Variants in UCN3 observed in about 807,000 individuals in gnomAD.
The protein encoded by UCN3 is urocortin 3.
A neutral mutation model predicts 3.6 loss-of-function variants in UCN3; 3 were observed. The observed-to-expected ratio is 0.83, with a 90% CI of 0.38 to 2.15. The LOEUF (loss-of-function observed/expected upper bound fraction) is 2.15. UCN3 is among the 30% of genes most tolerant of loss of function. The probability of loss-of-function intolerance (pLI) is 0.06; values close to 1 mark genes in which losing one functional copy is unlikely to be tolerated. For missense variants in UCN3, 206 were observed against 208.3 expected, an observed-to-expected ratio of 0.99 and a Z score of 0.07; for synonymous variants, 100 against 93.2, an observed-to-expected ratio of 1.07 and a Z score of -0.42.
At chr10:5,373,352 A>G (rs997945560) in intron 1 of UCN3, among the ~76,000 whole-genome samples, 18 of 152,194 alleles carry the variant, frequency 1.2e-4, no homozygotes, top group African/African-American at 4.3e-4. Context: ...CTTACTTAGT[A>G]TATTAGTTAT....
chr10:5,370,482 T>C (rs1378008744), intron 1 of UCN3, among the ~76,000 whole-genome samples: 1 of 95,426 alleles, frequency 1.0e-5, no homozygotes, highest in African/African-American at 3.9e-5. Context: ...CGTGTGTATA[T>C]GTGTGTATGT....
chr10:5,373,870 T>C lies in UCN3; in HGVS notation c.150T>C (p.Asp50=). ...LSEAEKGQWE[D]ASLLSKRSFH... ...AGGCTGAGAAGGGCCAGTGGGAGGA[T>C]GCATCCCTGCTGAGCAAGAGGAGCT... The change falls in exon 2 of 2, where the codon GAT becomes GAC. Residue 50 remains aspartate (D), a synonymous_variant. Coordinates refer to ENST00000380433, the MANE Select transcript of UCN3 (RefSeq NM_053049.4). 2 of 1,614,044 alleles carry C rather than the reference T, an allele frequency of 1.2e-6. No individual in the cohort carries two copies. Among genetic ancestry groups the C allele is most frequent in the Non-Finnish European group, 8.5e-7 (1 of 1,179,960 alleles).
chr10:5,370,079 G>C (rs1275650574), intron 1 of UCN3, among the ~76,000 whole-genome samples: 1 of 111,278 alleles, frequency 9.0e-6, no homozygotes, highest in African/African-American at 3.7e-5. Flanking sequence ...GTGTATATGC[G>C]TGTGTATATG....
rs375797691 is a variant in UCN3 at position 5,369,229 on chromosome 10, A to T, written c.-7+3999A>T. 2.0e-5 allele frequency among the ~76,000 whole-genome samples: 3 copies of T among 152,348 alleles called. No individual in the cohort carries two copies. The East Asian group carries it at 5.8e-4, about 29-fold the overall frequency. On this transcript the variant is annotated intron_variant, in intron 1 of 1. Coordinates refer to ENST00000380433, the MANE Select transcript of UCN3 (RefSeq NM_053049.4). ...GCTCTGCAGGATCAAATGCTTGCTC[A>T]GATTTCCTGGTCTCTCTGTACATAT...
intron 1 of UCN3, among the ~76,000 whole-genome samples, chr10:5,371,148 C>T (rs1323781902): frequency 1.4e-5 from 2 of 147,398 alleles, no homozygotes; most frequent in Non-Finnish European, 3.0e-5. Flanking sequence ...CATATGTGTG[C>T]ATGTATATGT....
chr10:5,369,210 C>A (rs1554810971), intron 1 of UCN3, among the ~76,000 whole-genome samples: 1 of 152,208 alleles, frequency 6.6e-6, no homozygotes, highest in Admixed American at 6.5e-5. Flanking sequence ...CATTGCTCTG[C>A]AGGATCAAAT....
At chr10:5,368,016 T>G (rs1479227851) in intron 1 of UCN3, among the ~76,000 whole-genome samples, 2 of 152,030 alleles carry the variant, frequency 1.3e-5, no homozygotes, top group African/African-American at 4.8e-5. Context: ...ATTTATTTAT[T>G]TTTTTGAGAC....
At chr10:5,370,891 ATATGCG>A (rs1831410426) in intron 1 of UCN3, among the ~76,000 whole-genome samples, 1 of 114,006 alleles carries the variant, frequency 8.8e-6, no homozygotes, top group East Asian at 3.5e-4. Context: ...ATGCGTGTGT[ATATGCG>A]TGTGTATATG....
chr10:5,372,980 T>C (rs1179619104), intron 1 of UCN3, among the ~76,000 whole-genome samples: 1 of 152,144 alleles, frequency 6.6e-6, no homozygotes, highest in African/African-American at 2.4e-5. Flanking sequence ...GTCTGACTGA[T>C]AACCAGGATC....
rs1831441366 is a variant in UCN3 at position 5,372,358 on chromosome 10, G to C, written c.-6-1357G>C. Among the ~76,000 whole-genome samples, 3 of 152,316 alleles carry C rather than the reference G, an allele frequency of 2.0e-5. No individual in the cohort carries two copies. The South Asian group carries it at 6.2e-4, about 32-fold the overall frequency. ...CTGCTACTGTGAAGGAGCCCGGCGGGAGGGTGCAGGTGGCTCAGCACAAGC... is the reference window on the plus strand; with the variant it reads ...CTGCTACTGTGAAGGAGCCCGGCGGCAGGGTGCAGGTGGCTCAGCACAAGC... On this transcript the variant is annotated intron_variant, in intron 1 of 1. Transcript: ENST00000380433.
At chr10:5,373,414 T>C (rs1831456119) in intron 1 of UCN3, among the ~76,000 whole-genome samples, 1 of 152,194 alleles carries the variant, frequency 6.6e-6, no homozygotes, top group Non-Finnish European at 1.5e-5. Context: ...ATAAAACCCA[T>C]AAATACTAAT....
rs1245087826 is a variant in UCN3 at position 5,367,258 on chromosome 10, C to T, written c.-7+2028C>T. Among the ~76,000 whole-genome samples, 2 of 152,040 alleles carry T rather than the reference C, an allele frequency of 1.3e-5. No individual in the cohort carries two copies. The highest frequency in any genetic ancestry group is 4.8e-5 in the African/African-American group (2 of 41,412). On this transcript the variant is annotated intron_variant, in intron 1 of 1. Coordinates refer to ENST00000380433, the MANE Select transcript of UCN3 (RefSeq NM_053049.4). The surrounding 1 kb of genome is among the most constrained non-coding windows in gnomAD (Gnocchi z 4.3). ...CGAGGCTGTTTCATGTTCAGAAGCC[C>T]TCATCTTTCAAGTGACTCTAGGTAC...
At chr10:5,368,055 G>C (rs1554810855) in intron 1 of UCN3, among the ~76,000 whole-genome samples, 2 of 152,078 alleles carry the variant, frequency 1.3e-5, no homozygotes, top group African/African-American at 4.8e-5. Flanking sequence ...CCAGGATGGA[G>C]TGCAGTAGCA....
chr10:5,370,407 A>G lies in UCN3; in HGVS notation c.-6-3308A>G, dbSNP rs879983139. On this transcript the variant is annotated intron_variant, in intron 1 of 1. Transcript: ENST00000380433. ...TATATGCGTGTGTATATGTGTGTGT[A>G]TATGTGTGTGTGTATATGCGTGTGT... 1.8e-3 allele frequency among the ~76,000 whole-genome samples: 47 copies of G among 26,528 alleles called. 5 individuals carry two copies. The highest frequency in any genetic ancestry group is 1.2e-3 in the African/African-American group (7 of 6,020). 17.4% of individuals were successfully genotyped at this position (26,528 alleles called of 152,430 possible). A position where few individuals can be genotyped will look rare whatever the true frequency, so the allele number is the denominator to read the frequency against.
chr10:5,368,165 G>A (rs1390393872), intron 1 of UCN3, among the ~76,000 whole-genome samples: 1 of 152,044 alleles, frequency 6.6e-6, no homozygotes, highest in Non-Finnish European at 1.5e-5. Context: ...CACCACGCCT[G>A]GCTAATTTTT....
At position 5,368,216 on chromosome 10, in the gene UCN3, C is replaced by T. The variant is rs183561461; in HGVS notation, c.-7+2986C>T. ...ACAGGGTTTCACTATGTTGGCCAGG[C>T]TGGTCTCAAACTCCTGACCTCAGGT... On this transcript the variant is annotated intron_variant, in intron 1 of 1. Coordinates refer to ENST00000380433, the MANE Select transcript of UCN3 (RefSeq NM_053049.4). Among the ~76,000 whole-genome samples the T allele has an allele frequency of 2.7e-3, 415 of 152,126 alleles. 1 individual carries two copies. The highest frequency in any genetic ancestry group is 0.01 in the Middle Eastern group (3 of 294).
chr10:5,367,656 G>C lies in UCN3; in HGVS notation c.-7+2426G>C, dbSNP rs1201951086. On this transcript the variant is annotated intron_variant, in intron 1 of 1. Transcript: ENST00000380433. The surrounding 1 kb of genome is among the most constrained non-coding windows in gnomAD (Gnocchi z 4.3). ...AATATAACACCCAAAGTGTCTTTAAGGGGTGGAGATAGACAGGTAAACTCA... is the reference window on the plus strand; with the variant it reads ...AATATAACACCCAAAGTGTCTTTAACGGGTGGAGATAGACAGGTAAACTCA... Among the ~76,000 whole-genome samples, 1 of 152,212 alleles carries C rather than the reference G, an allele frequency of 6.6e-6. No individual in the cohort carries two copies. Among genetic ancestry groups the C allele is most frequent in the Non-Finnish European group, 1.5e-5 (1 of 68,040 alleles).
In UCN3 at chr10:5,374,096, G is replaced by A. The variant is rs186863985; in HGVS notation, c.376G>A (p.Val126Ile). 7.7e-5 allele frequency: 124 copies of A among 1,613,586 alleles called. No homozygotes were observed. The East Asian group carries it at 2.1e-3, about 27-fold the overall frequency. ...CACCAAGTTCACCCTGTCCCTCGAC[G>A]TCCCCACCAACATCATGAACCTCCT... ...HRTKFTLSLD[V>I]PTNIMNLLFN... The change falls in exon 2 of 2, where the codon GTC (valine) becomes ATC (isoleucine). Residue 126 changes from valine (V) to isoleucine (I), a missense_variant. Val to Ile is a conservative substitution (Grantham distance 29). Coordinates refer to ENST00000380433, the MANE Select transcript of UCN3 (RefSeq NM_053049.4).
At chr10:5,370,411 G>GTGTGTGTGTATA (rs1831362277) in intron 1 of UCN3, among the ~76,000 whole-genome samples, 1 of 42,772 alleles carries the variant, frequency 2.3e-5, no homozygotes, top group Non-Finnish European at 4.4e-5. Flanking sequence ...GTGTGTATAT[G>GTGTGTGTGTATA]TGTGTGTGTA....
Sources: allele counts gnomAD v4.1 joint callset (sites outside exome capture counted in the v4.1 genomes callset), GRCh38; gene constraint gnomAD v4.1.1; non-coding constraint Gnocchi (gnomAD v3.1); transcripts MANE v1.5; gene names NCBI Gene and HGNC (gene_info 2026-07-23, HGNC 2026-07-21).